TMPRSS15: variants seen among roughly 807,000 people sequenced by gnomAD.
The protein encoded by TMPRSS15 is transmembrane serine protease 15, also known as enteropeptidase.
TMPRSS15 carries 128 observed loss-of-function variants against 125.3 expected under a neutral mutation model. The observed-to-expected ratio is 1.02, with a 90% CI of 0.89 to 1.18. The LOEUF (loss-of-function observed/expected upper bound fraction) is 1.18. Ranked by LOEUF, TMPRSS15 falls within the 50% of genes most tolerant of loss-of-function variation. TMPRSS15 has a pLI of 0.00. For missense variants in TMPRSS15, 1,283 were observed against 1,212.7 expected (o/e 1.06, Z -0.86); for synonymous variants, 446 against 423.2 (o/e 1.05, Z -0.66).
chr21:18,414,336 T>G (rs1247147626), intron 1 of TMPRSS15, among the ~76,000 whole-genome samples: 4 of 151,976 alleles, frequency 2.6e-5, no homozygotes, highest in Admixed American at 6.6e-5. Flanking sequence ...CTTTACTTCT[T>G]GTGTGTGTGT....
In TMPRSS15 at chr21:18,352,172, T is replaced by G. The variant is rs1271438079; in HGVS notation, c.1171+731A>C. ...ATGAATATGTGTTCCAAGACTTTCA[T>G]GATTGATCTTCCCACTACAAGTTCC... On this transcript the variant is annotated intron_variant, in intron 10 of 24. Transcript: ENST00000284885. 2.0e-5 allele frequency among the ~76,000 whole-genome samples: 3 copies of G among 152,090 alleles called. No individual in the cohort carries two copies. In the South Asian group the frequency reaches 6.2e-4, roughly 31 times the overall value.
Position 18,275,183 on chromosome 21 carries a change from T to A in TMPRSS15, c.2904+14A>T, listed in dbSNP as rs1305749489. On this transcript the variant is annotated intron_variant, in intron 24 of 24. Transcript: ENST00000284885. ...CTTTCTGAAAAGGTACAGTGAGCAG[T>A]TTTACATCTTTACCTGACAAGAATC... 1 of 1,613,444 alleles carries A rather than the reference T, an allele frequency of 6.2e-7. No homozygotes were observed. The highest frequency in any genetic ancestry group is 1.1e-5 in the South Asian group (1 of 91,066).
chr21:18,419,000 A>G (rs1348494966), intron 1 of TMPRSS15, among the ~76,000 whole-genome samples: 2 of 152,200 alleles, frequency 1.3e-5, no homozygotes, highest in East Asian at 1.9e-4. Context: ...AGGGGGAAAA[A>G]TCACTCAGTG....
intron 1 of TMPRSS15, among the ~76,000 whole-genome samples, chr21:18,472,744 G>C (rs570912151): frequency 1.3e-5 from 2 of 151,768 alleles, no homozygotes; most frequent in African/African-American, 4.8e-5. Context: ...AAATCAGTGG[G>C]AAAAGAAAAA....
At chr21:18,421,870 G>C (rs66870636) in intron 1 of TMPRSS15, among the ~76,000 whole-genome samples, 47,623 of 151,940 alleles carry the variant, frequency 0.31, 9,056 homozygotes, top group East Asian at 0.79. Flanking sequence ...AATGATTATC[G>C]ATACACCCCT....
chr21:18,446,009 AG>A (rs1301153592), intron 1 of TMPRSS15, among the ~76,000 whole-genome samples: 1 of 152,234 alleles, frequency 6.6e-6, no homozygotes, highest in Non-Finnish European at 1.5e-5. Flanking sequence ...GAAAGGAAAA[AG>A]TCAAATTAGC....
At position 18,320,091 on chromosome 21, in the gene TMPRSS15, T is replaced by C. The variant is rs537150783; in HGVS notation, c.1922-4835A>G. 4.6e-5 allele frequency among the ~76,000 whole-genome samples: 7 copies of C among 152,290 alleles called. No homozygotes were observed. The East Asian group carries it at 9.6e-4, about 21-fold the overall frequency. ...ATATTTTTAAACCAGATTAGTGAGA[T>C]GACAAATGGGCAGAGATAATTACAG... On this transcript the variant is annotated intron_variant, in intron 16 of 24. Transcript: ENST00000284885.
intron 21 of TMPRSS15, among the ~76,000 whole-genome samples, chr21:18,285,655 T>C (rs2074753763): frequency 6.6e-6 from 1 of 152,180 alleles, no homozygotes; most frequent in Non-Finnish European, 1.5e-5. Context: ...GTACGAAAGT[T>C]TTCAAGAATA....
chr21:18,378,601 G>C (rs1157139241), intron 5 of TMPRSS15, among the ~76,000 whole-genome samples: 1 of 151,956 alleles, frequency 6.6e-6, no homozygotes, highest in African/African-American at 2.4e-5. Flanking sequence ...AATATAACAT[G>C]GTAGTGATAT....
intron 1 of TMPRSS15, among the ~76,000 whole-genome samples, chr21:18,410,832 C>T (rs1039318905): frequency 1.3e-5 from 2 of 152,072 alleles, no homozygotes; most frequent in African/African-American, 4.8e-5. Context: ...ACCTAAAGAA[C>T]TAAAGACTAT....
intron 1 of TMPRSS15, among the ~76,000 whole-genome samples, chr21:18,482,462 A>T (rs144230975): frequency 8.4e-4 from 127 of 151,754 alleles, no homozygotes; most frequent in African/African-American, 2.8e-3. Context: ...TACACAAATG[A>T]TAAACACTCA....
At chr21:18,282,819 T>C (rs1372498806) in intron 21 of TMPRSS15, among the ~76,000 whole-genome samples, 1 of 152,214 alleles carries the variant, frequency 6.6e-6, no homozygotes, top group African/African-American at 2.4e-5. Context: ...CTTTAGAGCC[T>C]GCACTTAACA....
At chr21:18,472,492 C>G (rs1455652455) in intron 1 of TMPRSS15, among the ~76,000 whole-genome samples, 2 of 147,496 alleles carry the variant, frequency 1.4e-5, no homozygotes, top group East Asian at 3.9e-4. Flanking sequence ...CACACACACA[C>G]ACATACACAC....
chr21:18,350,391 A>G (rs1300405002), intron 10 of TMPRSS15, among the ~76,000 whole-genome samples: 1 of 152,128 alleles, frequency 6.6e-6, no homozygotes, highest in East Asian at 1.9e-4. Flanking sequence ...GGCTTCAGTT[A>G]AAAACTATAT....
chr21:18,402,647 C>T (rs543460904), intron 1 of TMPRSS15, among the ~76,000 whole-genome samples: 20 of 151,270 alleles, frequency 1.3e-4, no homozygotes, highest in African/African-American at 3.6e-4. Context: ...TAGGTTATTG[C>T]TATGCTTTCA....
chr21:18,386,448 T>C (rs2075944559), intron 3 of TMPRSS15, among the ~76,000 whole-genome samples: 1 of 152,182 alleles, frequency 6.6e-6, no homozygotes, highest in Non-Finnish European at 1.5e-5. Context: ...TTCTGTTGCA[T>C]AGTTAGCAGA....
At position 18,481,064 on chromosome 21, in the gene TMPRSS15, A is replaced by C. The variant is rs183868685; in HGVS notation, c.10+4735T>G. ...AACCAGAGGCAGAGTAATGCCTGAT[A>C]CAATGAAATCCAAGCTCAGATTACT... On this transcript the variant is annotated intron_variant, in intron 1 of 7. Coordinates refer to the TMPRSS15 transcript ENST00000422787. Among the ~76,000 whole-genome samples, 4 of 151,980 alleles carry C rather than the reference A, an allele frequency of 2.6e-5. No individual in the cohort carries two copies. The East Asian group carries it at 7.7e-4, about 29-fold the overall frequency.
At chr21:18,418,982 G>A (rs1282508910) in intron 1 of TMPRSS15, among the ~76,000 whole-genome samples, 2 of 152,148 alleles carry the variant, frequency 1.3e-5, no homozygotes, top group Non-Finnish European at 2.9e-5. Context: ...CTAAATCAGC[G>A]TTGAGCCAGG....
At chr21:18,368,226 A>G (rs2075757253) in intron 6 of TMPRSS15, among the ~76,000 whole-genome samples, 1 of 152,192 alleles carries the variant, frequency 6.6e-6, no homozygotes, top group Non-Finnish European at 1.5e-5. Context: ...TGGGAAAGGT[A>G]TCAACAGCTT....
Sources: allele counts gnomAD v4.1 joint callset (sites outside exome capture counted in the v4.1 genomes callset), GRCh38; gene constraint gnomAD v4.1.1; transcripts MANE v1.5; gene names NCBI Gene and HGNC (gene_info 2026-07-23, HGNC 2026-07-21).